Variants in UBE2G1 observed in about 807,000 individuals in gnomAD.
The protein encoded by UBE2G1 is ubiquitin conjugating enzyme E2 G1, also known as ubiquitin-conjugating enzyme E2 G1.
A neutral mutation model predicts 22.7 loss-of-function variants in UBE2G1; 5 were observed. The observed-to-expected ratio is 0.22, with a 90% CI of 0.12 to 0.46. The LOEUF (loss-of-function observed/expected upper bound fraction) is 0.46, where lower values mean the gene tolerates loss of function less well. UBE2G1 is among the 20% of genes least tolerant of loss of function. UBE2G1 has a pLI of 0.99. For synonymous variants in UBE2G1, 74 were observed against 67.5 expected (o/e 1.10, Z -0.47); for missense variants, 88 against 203.9 (o/e 0.43, Z 3.46).
In UBE2G1 at chr17:4,282,877, A is replaced by C. The variant is rs1968911714; in HGVS notation, c.471T>G (p.Val157=). ...EDRNGEFKRK[V]ARCVRKSQET... ...CTTGGCTTTTTCTTACACAGCGGGC[A>C]ACTTTTCTTTTAAATTCTCCATTTC... Residue 157 remains valine, a synonymous_variant, in exon 5 of 6, where the codon GTT becomes GTG. Transcript: ENST00000396981. 1 of 1,613,344 alleles carries C rather than the reference A, an allele frequency of 6.2e-7. No individual in the cohort carries two copies. The highest frequency in any genetic ancestry group is 8.5e-7 in the Non-Finnish European group (1 of 1,179,754).
At chr17:4,347,765 C>T (rs1162547603) in intron 1 of UBE2G1, among the ~76,000 whole-genome samples, 2 of 152,194 alleles carry the variant, frequency 1.3e-5, no homozygotes, top group South Asian at 2.1e-4. Context: ...CGTGAGCCAC[C>T]GCGCCTGGCC....
chr17:4,326,084 G>C (rs1310652501), intron 1 of UBE2G1, among the ~76,000 whole-genome samples: 1 of 151,932 alleles, frequency 6.6e-6, no homozygotes, highest in Non-Finnish European at 1.5e-5. Flanking sequence ...ATGACACCAA[G>C]AGCAATAGAG....
chr17:4,312,972 A>C (rs1969328956), intron 1 of UBE2G1, among the ~76,000 whole-genome samples: 1 of 152,130 alleles, frequency 6.6e-6, no homozygotes. Flanking sequence ...TTTTTTCTAA[A>C]AGTTTGACGG....
In UBE2G1 at chr17:4,345,675, T is replaced by C. The variant is rs111598015; in HGVS notation, c.46+20596A>G. Reference sequence around the variant, plus strand: ...GTAACGAGAGATATCTGGTACTCCATTGCATTTACTGAAAAAATGTTTACA... The same window carrying C: ...GTAACGAGAGATATCTGGTACTCCACTGCATTTACTGAAAAAATGTTTACA... On this transcript the variant is annotated intron_variant, in intron 1 of 5. Transcript: ENST00000396981. The C allele has an allele frequency of 9.1e-4, 138 of 152,326 alleles. 1 individual carries two copies. Among genetic ancestry groups the C allele is most frequent in the African/African-American group, 3.1e-3 (128 of 41,592 alleles). 9.4% of individuals were successfully genotyped at this position (152,326 alleles called of 1,614,324 possible). A position where few individuals can be genotyped will look rare whatever the true frequency, so the allele number is the denominator to read the frequency against.
intron 2 of UBE2G1, among the ~76,000 whole-genome samples, chr17:4,304,627 G>C (rs1270512401): frequency 3.9e-5 from 6 of 152,084 alleles, no homozygotes; most frequent in Non-Finnish European, 8.8e-5. Context: ...GACTACATGA[G>C]GGCTAATGAT....
At chr17:4,315,800 CTTT>C (rs368086814) in intron 1 of UBE2G1, among the ~76,000 whole-genome samples, 1,437 of 105,264 alleles carry the variant, frequency 0.014, 15 homozygotes, top group Non-Finnish European at 0.019. Context: ...AAAGAGGCTC[CTTT>C]TTTTTTTTTT....
chr17:4,306,967 A>G, intron 2 of UBE2G1, 54 bp downstream of exon 2: 3 of 1,529,312 alleles, frequency 2.0e-6, no homozygotes, highest in Non-Finnish European at 2.7e-6. Context: ...ATAGTTTTTA[A>G]TTCAGTGTAT....
intron 5 of UBE2G1, among the ~76,000 whole-genome samples, chr17:4,272,897 C>A (rs565487956): frequency 3.3e-5 from 5 of 152,126 alleles, no homozygotes; most frequent in Non-Finnish European, 5.9e-5. Flanking sequence ...TATATTAAAT[C>A]TAGAATCCAT....
chr17:4,325,907 T>C (rs1231133398), intron 1 of UBE2G1, among the ~76,000 whole-genome samples: 1 of 152,150 alleles, frequency 6.6e-6, no homozygotes, highest in Non-Finnish European at 1.5e-5. Context: ...GGAAACTGGG[T>C]ATCCATAAGC....
rs1968758643 is a variant in UBE2G1, at chr17:4,271,430, A to G, written c.*1124T>C. 1 of 152,674 alleles carries G rather than the reference A, an allele frequency of 6.5e-6. No individual in the cohort carries two copies. The highest frequency in any genetic ancestry group is 2.4e-5 in the African/African-American group (1 of 41,458). The allele number at this position is 152,674 out of a possible 1,614,324, so 9.5% of individuals were successfully genotyped here. On this transcript the variant is annotated 3_prime_UTR_variant, in exon 6 of 6. Coordinates refer to ENST00000396981, the MANE Select transcript of UBE2G1 (RefSeq NM_003342.5). Reference sequence around the variant, plus strand: ...TACAATAAAAGCCAACAACTTGACAATTATTGAAAAAAAATTATATTTTGG... The same window carrying G: ...TACAATAAAAGCCAACAACTTGACAGTTATTGAAAAAAAATTATATTTTGG...
intron 5 of UBE2G1, among the ~76,000 whole-genome samples, chr17:4,277,515 C>G (rs1433530212): frequency 1.3e-5 from 2 of 152,148 alleles, no homozygotes; most frequent in Non-Finnish European, 2.9e-5. Context: ...TACCCCACAG[C>G]TGAATTAGAA....
At chr17:4,344,633 G>C (rs1337393690) in intron 1 of UBE2G1, among the ~76,000 whole-genome samples, 1 of 151,674 alleles carries the variant, frequency 6.6e-6, no homozygotes, top group East Asian at 1.9e-4. Flanking sequence ...GGGAGGCTGA[G>C]GCCAGAGGTT....
At chr17:4,348,012 C>CA (rs1969799053) in intron 1 of UBE2G1, among the ~76,000 whole-genome samples, 1 of 152,078 alleles carries the variant, frequency 6.6e-6, no homozygotes. Flanking sequence ...CAAATAATAA[C>CA]CCTAGAATGG....
In UBE2G1 at chr17:4,337,416, G is replaced by A. The variant is rs550705963; in HGVS notation, c.46+28855C>T. 1.0e-3 allele frequency among the ~76,000 whole-genome samples: 157 copies of A among 152,040 alleles called. 2 individuals are homozygous for A. Among genetic ancestry groups the A allele is most frequent in the African/African-American group, 3.6e-3 (148 of 41,536 alleles). On this transcript the variant is annotated intron_variant, in intron 1 of 5. Transcript: ENST00000396981. The stretch of plus-strand genomic sequence containing the variant: ...GCCTGTAATCCCAGCACTTTGGGAG[G>A]TCGAGGCAGGTGGATCACCTGAGGT...
At chr17:4,311,881 CAA>C (rs1969314290) in intron 1 of UBE2G1, among the ~76,000 whole-genome samples, 1 of 152,006 alleles carries the variant, frequency 6.6e-6, no homozygotes, top group Non-Finnish European at 1.5e-5. Flanking sequence ...GGAGGTTTGT[CAA>C]GAGAGGGGAG....
intron 2 of UBE2G1, among the ~76,000 whole-genome samples, chr17:4,300,662 G>T (rs1232119456): frequency 2.7e-5 from 4 of 150,904 alleles, no homozygotes; most frequent in African/African-American, 9.8e-5. Flanking sequence ...GTACTATCAT[G>T]ATATTAAAAA....
Position 4,349,049 on chromosome 17 carries a change from G to A in UBE2G1, c.46+17222C>T, listed in dbSNP as rs182655130. Among the ~76,000 whole-genome samples the A allele has an allele frequency of 3.0e-3, 462 of 151,954 alleles. 1 individual carries two copies. The highest frequency in any genetic ancestry group is 0.01 in the African/African-American group (432 of 41,426). On this transcript the variant is annotated intron_variant, in intron 1 of 5. Transcript: ENST00000396981. Reference sequence around the variant, plus strand: ...TAAGAATACAAAAATTAGGCTGGGCGAGGTGGCTCACGCCTGTAATCTCAG... The same window carrying A: ...TAAGAATACAAAAATTAGGCTGGGCAAGGTGGCTCACGCCTGTAATCTCAG...
chr17:4,353,732 G>C (rs1428822199), intron 1 of UBE2G1, among the ~76,000 whole-genome samples: 1 of 151,338 alleles, frequency 6.6e-6, no homozygotes, highest in East Asian at 1.9e-4. Context: ...GGATGGTCTC[G>C]ATCTCCTGAC....
intron 1 of UBE2G1, chr17:4,331,947 C>T (rs546001728): frequency 6.6e-6 from 1 of 152,122 alleles, no homozygotes; most frequent in African/African-American, 2.4e-5. Flanking sequence ...AACATAAACA[C>T]TATAAATATA....
Sources: allele counts gnomAD v4.1 joint callset (sites outside exome capture counted in the v4.1 genomes callset), GRCh38; gene constraint gnomAD v4.1.1; transcripts MANE v1.5; gene names NCBI Gene and HGNC (gene_info 2026-07-23, HGNC 2026-07-21).